ULK4: variants seen among roughly 807,000 people sequenced by gnomAD.
ULK4 encodes inactive serine/threonine-protein kinase ULK4.
Under a neutral mutation model 160.6 loss-of-function variants are expected in ULK4, and 133 were observed. The ratio of observed to expected loss-of-function variants is 0.83; its 90% CI spans 0.72 to 0.96. The LOEUF (loss-of-function observed/expected upper bound fraction) is 0.96, where lower values mean the gene tolerates loss of function less well. ULK4 is among the 40% of genes least tolerant of loss of function. ULK4 has a pLI of 0.00. For synonymous variants in ULK4, 534 were observed against 539.8 expected (o/e 0.99, Z 0.15); for missense variants, 1,580 against 1,499.5 (o/e 1.05, Z -0.89).
chr3:41,768,540 C>A (rs1056869179), intron 21 of ULK4, among the ~76,000 whole-genome samples: 2 of 152,158 alleles, frequency 1.3e-5, no homozygotes, highest in African/African-American at 4.8e-5. Flanking sequence ...CTGTAGAGGT[C>A]CACATACAAT....
At chr3:41,957,638 A>G (rs1167119335) in intron 1 of ULK4, among the ~76,000 whole-genome samples, 1 of 151,804 alleles carries the variant, frequency 6.6e-6, no homozygotes, top group Non-Finnish European at 1.5e-5. Flanking sequence ...GCTTGAGCCC[A>G]GGAGATTGAG....
intron 35 of ULK4, among the ~76,000 whole-genome samples, chr3:41,249,968 G>A (rs1161856893): frequency 6.6e-6 from 1 of 152,212 alleles, no homozygotes; most frequent in Non-Finnish European, 1.5e-5. Flanking sequence ...TGTCTTTGGG[G>A]CTCTCAGCCC....
intron 35 of ULK4, among the ~76,000 whole-genome samples, chr3:41,285,905 T>C (rs1230257143): frequency 2.0e-5 from 3 of 152,170 alleles, no homozygotes; most frequent in African/African-American, 7.2e-5. Flanking sequence ...ACTTTCTGCA[T>C]ATGCACTAAG....
intron 7 of ULK4, among the ~76,000 whole-genome samples, chr3:41,917,988 AAAATAAATAAATAAATAAAT>A (rs150895020): frequency 0.68 from 101,117 of 147,714 alleles, 38,093 homozygotes; most frequent in East Asian, 0.83. Flanking sequence ...CTCTGTCTCA[AAAATAAATAAATAAATAAAT>A]AAATAAATAA....
chr3:41,813,494 T>C (rs2040874429), intron 19 of ULK4, among the ~76,000 whole-genome samples: 1 of 152,176 alleles, frequency 6.6e-6, no homozygotes, highest in Admixed American at 6.5e-5. Flanking sequence ...AGAAAGCCAG[T>C]GACAAATAAT....
At chr3:41,261,702 C>T (rs781510746) in intron 35 of ULK4, among the ~76,000 whole-genome samples, 1 of 152,144 alleles carries the variant, frequency 6.6e-6, no homozygotes, top group Non-Finnish European at 1.5e-5. Flanking sequence ...AAGCAGGAAC[C>T]GCAGAATCTC....
chr3:41,643,082 T>C (rs2034305151), intron 30 of ULK4, among the ~76,000 whole-genome samples: 1 of 152,240 alleles, frequency 6.6e-6, no homozygotes, highest in African/African-American at 2.4e-5. Context: ...TTGTAGATTC[T>C]GGATATTAGC....
At chr3:41,674,276 C>A (rs1055581499) in intron 29 of ULK4, among the ~76,000 whole-genome samples, 2 of 152,174 alleles carry the variant, frequency 1.3e-5, no homozygotes, top group African/African-American at 4.8e-5. Flanking sequence ...AAATAGTCAG[C>A]ATAAGACTAC....
chr3:41,382,872 A>G (rs576496515), intron 35 of ULK4, among the ~76,000 whole-genome samples: 24 of 152,280 alleles, frequency 1.6e-4, no homozygotes, highest in South Asian at 1.5e-3. Flanking sequence ...TTGCTAAGGA[A>G]AGAGATATAT....
At chr3:41,750,039 C>T (rs1157399531) in intron 22 of ULK4, among the ~76,000 whole-genome samples, 1 of 152,198 alleles carries the variant, frequency 6.6e-6, no homozygotes, top group Non-Finnish European at 1.5e-5. Context: ...CTGCCAAGAA[C>T]CAGCGAGCTT....
chr3:41,758,478 T>C (rs1306413759), intron 21 of ULK4, among the ~76,000 whole-genome samples: 1 of 152,260 alleles, frequency 6.6e-6, no homozygotes, highest in Non-Finnish European at 1.5e-5. Context: ...GGAACACAGA[T>C]GCAAAAACTC....
At chr3:41,822,925 T>C (rs1049253280) in intron 18 of ULK4, among the ~76,000 whole-genome samples, 9 of 151,710 alleles carry the variant, frequency 5.9e-5, no homozygotes, top group Non-Finnish European at 8.8e-5. Flanking sequence ...GTTTTCACCA[T>C]GTTAGCCAGG....
intron 21 of ULK4, among the ~76,000 whole-genome samples, chr3:41,772,797 T>G (rs1182002370): frequency 1.3e-5 from 2 of 152,202 alleles, no homozygotes; most frequent in Non-Finnish European, 2.9e-5. Flanking sequence ...ATATCCCTGA[T>G]GAACACTGAT....
intron 29 of ULK4, among the ~76,000 whole-genome samples, chr3:41,680,695 T>C (rs2035895622): frequency 1.3e-5 from 2 of 152,242 alleles, no homozygotes; most frequent in East Asian, 1.9e-4. Context: ...GTTGAAACAA[T>C]AGAGGGAAGC....
At position 41,506,767 on chromosome 3, in the gene ULK4, A is replaced by AAAAAAAAAAAATATATATATAAATAT; in HGVS notation, c.3227-43515_3227-43514insATATTTATATATATATTTTTTTTTTT. Among the ~76,000 whole-genome samples, 233 of 56,788 alleles carry AAAAAAAAAAAATATATATATAAATAT rather than the reference A, an allele frequency of 4.1e-3. 36 individuals carry two copies. Among genetic ancestry groups the AAAAAAAAAAAATATATATATAAATAT allele is most frequent in the South Asian group, 5.2e-3 (8 of 1,536 alleles). The allele number at this position is 56,788 out of a possible 152,430, so 37.3% of individuals were successfully genotyped here. ...AGCAATACACTGGAGTGTGATTTAA[A>AAAAAAAAAAAATATATATATAAATAT]ATATATATATATATATATATATATA... is the stretch of plus-strand genomic sequence containing the variant. On this transcript the variant is annotated intron_variant, in intron 32 of 36. Transcript: ENST00000301831.
At chr3:41,439,574 T>C (rs2083116179) in intron 34 of ULK4, among the ~76,000 whole-genome samples, 1 of 152,186 alleles carries the variant, frequency 6.6e-6, no homozygotes, top group African/African-American at 2.4e-5. Flanking sequence ...ACAGTGAACA[T>C]AACCATCACC....
rs139629843 is a variant in ULK4, at chr3:41,625,630, CAT to C, written c.3072-9915_3072-9914del. On this transcript the variant is annotated intron_variant, in intron 30 of 36. Coordinates refer to ENST00000301831, the MANE Select transcript of ULK4 (RefSeq NM_017886.4). ...TATCAGACAACAAGTATTCAATAAT[CAT>C]AGCAGATCTTACAAAATAATGACGC... 3.6e-3 allele frequency among the ~76,000 whole-genome samples: 545 copies of C among 152,318 alleles called. 3 individuals are homozygous for C. The East Asian group carries it at 0.041, about 11-fold the overall frequency.
intron 35 of ULK4, among the ~76,000 whole-genome samples, chr3:41,293,558 C>T (rs117240313): frequency 6.6e-6 from 1 of 152,262 alleles, no homozygotes; most frequent in East Asian, 1.9e-4. Context: ...CTCTGAAGGT[C>T]ATCTAGTGTT....
At chr3:41,565,946 C>T in intron 32 of ULK4, 79 bp downstream of exon 32, 2 of 1,070,966 alleles carry the variant, frequency 1.9e-6, no homozygotes, top group South Asian at 1.5e-5. Context: ...TTAAGTGGTA[C>T]TTCTAGACTC....
Sources: gnomAD v4.1 joint callset for allele counts (sites outside exome capture counted in the v4.1 genomes callset) on GRCh38, gnomAD v4.1.1 for gene constraint, MANE v1.5 for transcripts, NCBI Gene and HGNC (gene_info 2026-07-23, HGNC 2026-07-21) for gene names.